Variants in GRID1 observed in about 807,000 individuals in gnomAD.
GRID1 encodes the protein glutamate receptor ionotropic, delta-1.
Under a neutral mutation model 98.0 loss-of-function variants are expected in GRID1, and 28 were observed. That is an observed-to-expected ratio of 0.29 (90% confidence interval 0.21 to 0.39). The LOEUF is 0.39. Ranked by LOEUF, GRID1 falls within the 10% of genes least tolerant of loss-of-function variation. The pLI is 1.00. For synonymous variants in GRID1, 553 were observed against 538.5 expected, an observed-to-expected ratio of 1.03 and a Z score of -0.37; for missense variants, 1,111 against 1,340.5, an observed-to-expected ratio of 0.83 and a Z score of 2.67.
At chr10:85,732,947 C>T (rs1176067588) in intron 8 of GRID1, among the ~76,000 whole-genome samples, 1 of 152,122 alleles carries the variant, frequency 6.6e-6, no homozygotes, top group East Asian at 1.9e-4. Flanking sequence ...TCTAGTTTTT[C>T]TCTGCCTGGA....
At chr10:85,917,541 T>C (rs898918454) in intron 4 of GRID1, among the ~76,000 whole-genome samples, 4 of 152,220 alleles carry the variant, frequency 2.6e-5, no homozygotes, top group Admixed American at 6.5e-5. Flanking sequence ...GTTAAGACTC[T>C]AGTTTTTGAT....
chr10:86,008,160 G>C (rs1427540015), intron 4 of GRID1, among the ~76,000 whole-genome samples: 2 of 152,146 alleles, frequency 1.3e-5, no homozygotes, highest in Non-Finnish European at 2.9e-5. Flanking sequence ...CCCTCCCCTG[G>C]AGACCAGAGG....
At chr10:86,124,545 C>T (rs1564682259) in intron 4 of GRID1, among the ~76,000 whole-genome samples, 1 of 152,178 alleles carries the variant, frequency 6.6e-6, no homozygotes, top group South Asian at 2.1e-4. Context: ...GTGGTGCCCC[C>T]ACGAAACCAC....
intron 5 of GRID1, among the ~76,000 whole-genome samples, chr10:85,908,011 A>T (rs1841486044): frequency 6.6e-6 from 1 of 152,204 alleles, no homozygotes; most frequent in Non-Finnish European, 1.5e-5. Flanking sequence ...CCAGTCTAGG[A>T]ATGGAAGAGA....
chr10:86,251,516 C>A (rs1243661607), intron 2 of GRID1, among the ~76,000 whole-genome samples: 4 of 152,172 alleles, frequency 2.6e-5, no homozygotes, highest in African/African-American at 9.7e-5. Context: ...AGGGCTACTA[C>A]CTCAGCTTTT....
intron 4 of GRID1, among the ~76,000 whole-genome samples, chr10:85,923,233 C>T (rs774453798): frequency 1.3e-5 from 2 of 152,136 alleles, no homozygotes; most frequent in Admixed American, 1.3e-4. Context: ...AACACCCCAT[C>T]TGGGCAGAGG....
At chr10:85,830,393 C>A (rs1842857291) in intron 8 of GRID1, among the ~76,000 whole-genome samples, 1 of 151,934 alleles carries the variant, frequency 6.6e-6, no homozygotes, top group Admixed American at 6.6e-5. Context: ...TGGACATAGA[C>A]CCTGGCAAAG....
intron 4 of GRID1, among the ~76,000 whole-genome samples, chr10:86,044,681 C>T (rs1265147095): frequency 6.6e-6 from 1 of 152,200 alleles, no homozygotes; most frequent in Non-Finnish European, 1.5e-5. Context: ...GATGTGCAAC[C>T]ATAGTATGTG....
intron 8 of GRID1, among the ~76,000 whole-genome samples, chr10:85,840,945 A>G (rs1590259051): frequency 6.6e-6 from 1 of 152,344 alleles, no homozygotes; most frequent in South Asian, 2.1e-4. Context: ...TGTTATTCCT[A>G]TTAACCTACT....
chr10:85,852,973 A>G (rs1372132964), intron 8 of GRID1, among the ~76,000 whole-genome samples: 1 of 152,206 alleles, frequency 6.6e-6, no homozygotes, highest in African/African-American at 2.4e-5. Context: ...ATTGTGTCAC[A>G]ACAAATTATT....
intron 4 of GRID1, among the ~76,000 whole-genome samples, chr10:86,023,987 T>G (rs1843083469): frequency 6.6e-6 from 1 of 152,162 alleles, no homozygotes; most frequent in South Asian, 2.1e-4. Flanking sequence ...TCATTAATTA[T>G]GTTAAATTAA....
intron 12 of GRID1, among the ~76,000 whole-genome samples, chr10:85,707,259 T>C (rs1841531057): frequency 6.6e-6 from 1 of 151,772 alleles, no homozygotes; most frequent in Admixed American, 6.6e-5. Context: ...CTCAAACAAA[T>C]TTACAAGAAA....
At chr10:85,754,835 C>A (rs565558851) in intron 8 of GRID1, among the ~76,000 whole-genome samples, 3 of 152,158 alleles carry the variant, frequency 2.0e-5, no homozygotes, top group African/African-American at 7.2e-5. Flanking sequence ...ATTTCTTCAC[C>A]CACAAAATAA....
intron 3 of GRID1, 57 bp from the exon 4 acceptor site, chr10:86,139,081 C>T (rs1030132146): frequency 6.8e-5 from 86 of 1,259,156 alleles, no homozygotes; most frequent in Non-Finnish European, 9.2e-5. Context: ...GGAATGCACC[C>T]GGGAGGGTGT....
chr10:86,332,588 C>T (rs1339484920), intron 2 of GRID1, among the ~76,000 whole-genome samples: 8 of 152,128 alleles, frequency 5.3e-5, no homozygotes, highest in Admixed American at 3.9e-4. Context: ...TTGAACTCAG[C>T]TCCCTGGAAT....
intron 3 of GRID1, among the ~76,000 whole-genome samples, chr10:86,182,292 C>A (rs187169986): frequency 4.6e-5 from 7 of 152,318 alleles, no homozygotes; most frequent in African/African-American, 1.4e-4. Flanking sequence ...AAGCAGGGGG[C>A]GACTCCGGGC....
At chr10:85,994,263 G>A (rs1842715034) in intron 4 of GRID1, among the ~76,000 whole-genome samples, 1 of 152,208 alleles carries the variant, frequency 6.6e-6, no homozygotes, top group Non-Finnish European at 1.5e-5. Flanking sequence ...CCCACAGCAT[G>A]GCAGCCTGAC....
At chr10:86,035,063 T>C (rs187844805) in intron 4 of GRID1, among the ~76,000 whole-genome samples, 1,726 of 143,496 alleles carry the variant, frequency 0.012, 32 homozygotes, top group African/African-American at 0.047. Context: ...CACAGTCATT[T>C]GGAAAGGAGG....
intron 5 of GRID1, among the ~76,000 whole-genome samples, chr10:85,908,909 T>C (rs1841498688): frequency 6.6e-6 from 1 of 152,130 alleles, no homozygotes; most frequent in Non-Finnish European, 1.5e-5. Context: ...AAAACATAAT[T>C]CTTAAAAGAA....
Sources: gnomAD v4.1 joint callset for allele counts (sites outside exome capture counted in the v4.1 genomes callset) on GRCh38, gnomAD v4.1.1 for gene constraint, MANE v1.5 for transcripts, NCBI Gene and HGNC (gene_info 2026-07-23, HGNC 2026-07-21) for gene names.